CNIH3: variants seen among roughly 807,000 people sequenced by gnomAD.
CNIH3 encodes the protein cornichon family AMPA receptor auxiliary protein 3.
CNIH3 carries 14 observed loss-of-function variants against 24.1 expected under a neutral mutation model. That is an observed-to-expected ratio of 0.58 (90% CI 0.38 to 0.91). CNIH3 has a LOEUF of 0.91. Among genes scored for constraint, CNIH3 ranks in the 40% least tolerant of loss-of-function variants. The pLI, the probability that CNIH3 is intolerant of heterozygous loss-of-function variation, is 0.00. For missense variants in CNIH3, 178 were observed against 196.8 expected (o/e 0.90, Z 0.57); for synonymous variants, 68 against 73.8 (o/e 0.92, Z 0.40).
At chr1:224,523,520 G>C (rs1050459341) in intron 2 of CNIH3, among the ~76,000 whole-genome samples, 3 of 152,156 alleles carry the variant, frequency 2.0e-5, no homozygotes, top group Admixed American at 1.3e-4. Context: ...GAACTCAAGT[G>C]AATGGAGACC....
rs192899571 is a variant in CNIH3 at position 224,740,491 on chromosome 1, A to C, written c.*1135A>C. 6.6e-6 allele frequency: 1 copy of C among 152,226 alleles called. No homozygotes were observed. 9.4% of individuals were successfully genotyped at this position (152,226 alleles called of 1,614,324 possible). Reference sequence around the variant, plus strand: ...CATCTGAAACCTGTGACTCAGGTTTATGAATGGTGTTTGTGTAGCAACACA... The same window carrying C: ...CATCTGAAACCTGTGACTCAGGTTTCTGAATGGTGTTTGTGTAGCAACACA... On this transcript the variant is annotated 3_prime_UTR_variant, in exon 6 of 6. Coordinates refer to ENST00000272133, the MANE Select transcript of CNIH3 (RefSeq NM_152495.2).
At chr1:224,464,483 A>T (rs1404266382) in intron 1 of CNIH3, among the ~76,000 whole-genome samples, 1 of 152,088 alleles carries the variant, frequency 6.6e-6, no homozygotes, top group Non-Finnish European at 1.5e-5. Context: ...GCTTTAAGCT[A>T]ATTTTTATGT....
intron 1 of CNIH3, among the ~76,000 whole-genome samples, chr1:224,465,032 G>A (rs948544545): frequency 1.3e-5 from 2 of 151,910 alleles, no homozygotes; most frequent in Non-Finnish European, 2.9e-5. Context: ...GGACTTGAGC[G>A]ACCCTCCCAC....
chr1:224,440,047 C>T (rs1295448834), intron 1 of CNIH3, among the ~76,000 whole-genome samples: 1 of 152,232 alleles, frequency 6.6e-6, no homozygotes, highest in Non-Finnish European at 1.5e-5. Context: ...CTCGGCCTCC[C>T]AAAGTGTTGG....
At chr1:224,534,684 C>A (rs1034852354) in intron 2 of CNIH3, among the ~76,000 whole-genome samples, 3 of 152,126 alleles carry the variant, frequency 2.0e-5, no homozygotes, top group African/African-American at 7.2e-5. Flanking sequence ...AACATGGAGT[C>A]CTTTTCTATA....
intron 1 of CNIH3, among the ~76,000 whole-genome samples, chr1:224,663,642 T>G (rs1685465075): frequency 6.6e-6 from 1 of 152,220 alleles, no homozygotes; most frequent in Non-Finnish European, 1.5e-5. Flanking sequence ...GCCTCTCTGT[T>G]GGTTACACTT....
At chr1:224,620,858 C>T (rs1018553845) in intron 1 of CNIH3, among the ~76,000 whole-genome samples, 3 of 151,710 alleles carry the variant, frequency 2.0e-5, no homozygotes, top group South Asian at 4.2e-4. Context: ...TGCATGTGGA[C>T]GTTTAGAAGG....
At chr1:224,713,569 A>G (rs1181446964) in intron 3 of CNIH3, among the ~76,000 whole-genome samples, 1 of 152,198 alleles carries the variant, frequency 6.6e-6, no homozygotes, top group African/African-American at 2.4e-5. Flanking sequence ...AAAAGCACCT[A>G]CTTCATAGGT....
chr1:224,730,154 C>T (rs551687942), intron 3 of CNIH3: 1 of 254,000 alleles, frequency 3.9e-6, no homozygotes, highest in Admixed American at 4.8e-5. Flanking sequence ...TGGACCAGCT[C>T]TTCCAGTCTT....
intron 1 of CNIH3, among the ~76,000 whole-genome samples, chr1:224,436,268 G>C (rs1301794748): frequency 6.6e-6 from 1 of 152,186 alleles, no homozygotes; most frequent in African/African-American, 2.4e-5. Flanking sequence ...GTATCCAGCA[G>C]AGCCTGAATT....
At chr1:224,453,238 A>C (rs1477805256) in intron 1 of CNIH3, among the ~76,000 whole-genome samples, 1 of 152,060 alleles carries the variant, frequency 6.6e-6, no homozygotes, top group Non-Finnish European at 1.5e-5. Context: ...TGGTGTGATC[A>C]TGGCTCACTG....
chr1:224,611,371 A>C (rs991127852), upstream of CNIH3: 1 of 152,208 alleles, frequency 6.6e-6, no homozygotes, highest in African/African-American at 2.4e-5. Flanking sequence ...GTGTTCACCC[A>C]TAAGTAACAG....
rs1675754375 is a variant in CNIH3, at chr1:224,458,096, C to G, written n.203+23234C>G. Among the ~76,000 whole-genome samples the G allele has an allele frequency of 6.6e-6, 1 of 152,202 alleles. No individual in the cohort carries two copies. The highest frequency in any genetic ancestry group is 2.1e-4 in the South Asian group (1 of 4,834). On this transcript the variant is annotated intron_variant and non_coding_transcript_variant, in intron 1 of 5. Coordinates refer to the CNIH3 transcript ENST00000471578. The surrounding 1 kb of genome is among the most constrained non-coding windows in gnomAD (Gnocchi z 4.3). ...TATTCCCTTCCAGGGCTCCTACCCT[C>G]TCCTGATTTTGCATCCAGGGACGTC...
intron 1 of CNIH3, among the ~76,000 whole-genome samples, chr1:224,619,832 A>G (rs1322642711): frequency 6.6e-6 from 1 of 152,254 alleles, no homozygotes; most frequent in Non-Finnish European, 1.5e-5. Flanking sequence ...AATGCCTGCC[A>G]TGCTGCCATG....
intron 1 of CNIH3, among the ~76,000 whole-genome samples, chr1:224,468,691 G>A (rs1676243672): frequency 1.3e-5 from 2 of 152,000 alleles, no homozygotes; most frequent in South Asian, 4.1e-4. Flanking sequence ...TGTTGAATAA[G>A]AATGATGAGA....
chr1:224,717,146 G>C (rs534162560), intron 3 of CNIH3, among the ~76,000 whole-genome samples: 3 of 152,202 alleles, frequency 2.0e-5, no homozygotes, highest in African/African-American at 7.2e-5. Context: ...ATGCACACGT[G>C]TGCTTGGGCT....
chr1:224,663,144 G>A (rs1369848), intron 1 of CNIH3, among the ~76,000 whole-genome samples: 50,347 of 151,928 alleles, frequency 0.33, 8,681 homozygotes, highest in East Asian at 0.53. Context: ...CTCTGACCCA[G>A]TTTCCCATTT....
At position 224,654,126 on chromosome 1, in the gene CNIH3, A is replaced by G. The variant is rs149379644; in HGVS notation, c.82-26832A>G. Among the ~76,000 whole-genome samples the G allele has an allele frequency of 5.5e-3, 832 of 152,152 alleles. 9 individuals are homozygous for G. The highest frequency in any genetic ancestry group is 0.034 in the Middle Eastern group (10 of 294). On this transcript the variant is annotated intron_variant, in intron 1 of 5. Transcript: ENST00000272133. ...GCTGGATGCAGTGGCTCATGTCTGT[A>G]ATCCCAACACTTTGGGAGGCCAAGG...
At chr1:224,497,454 A>G (rs1230770416) in intron 1 of CNIH3, among the ~76,000 whole-genome samples, 7 of 152,374 alleles carry the variant, frequency 4.6e-5, no homozygotes, top group Admixed American at 3.3e-4. Context: ...TTATACTGTG[A>G]TGGAATATGA....
Sources: gnomAD v4.1 joint callset for allele counts (sites outside exome capture counted in the v4.1 genomes callset) on GRCh38, gnomAD v4.1.1 for gene constraint, Gnocchi (gnomAD v3.1) non-coding constraint, MANE v1.5 for transcripts, NCBI Gene and HGNC (gene_info 2026-07-23, HGNC 2026-07-21) for gene names.